The following TRAPPC9 variants were observed in gnomAD, a reference collection of about 807,000 sequenced individuals.
The protein encoded by TRAPPC9 is IKK2 binding protein.
In TRAPPC9, 83 loss-of-function variants were observed where a neutral mutation model predicts 124.0. That is an observed-to-expected ratio of 0.67 (90% CI 0.56 to 0.80). The LOEUF (loss-of-function observed/expected upper bound fraction) is 0.80, where lower values mean the gene tolerates loss of function less well. Among genes scored for constraint, TRAPPC9 ranks in the 30% least tolerant of loss-of-function variants. TRAPPC9 has a pLI of 0.00. For synonymous variants in TRAPPC9, 638 were observed against 617.5 expected (o/e 1.03, Z -0.49); for missense variants, 1,302 against 1,508.3 (o/e 0.86, Z 2.27).
At chr8:140,262,736 G>A (rs1310672088) in intron 15 of TRAPPC9, 1 of 152,220 alleles carries the variant, frequency 6.6e-6, no homozygotes, top group Non-Finnish European at 1.5e-5. Flanking sequence ...TTATTCATGT[G>A]CCTGCACGGT....
At chr8:139,749,526 G>T (rs1006073998) in intron 21 of TRAPPC9, among the ~76,000 whole-genome samples, 5 of 152,134 alleles carry the variant, frequency 3.3e-5, no homozygotes, top group Non-Finnish European at 7.4e-5. Flanking sequence ...ATGAAAAGGT[G>T]CCATGCTTGT....
chr8:139,756,923 C>T (rs1819859692), intron 21 of TRAPPC9, among the ~76,000 whole-genome samples: 1 of 134,260 alleles, frequency 7.4e-6, no homozygotes, highest in African/African-American at 2.9e-5. Flanking sequence ...CAGCAGGTCG[C>T]AGGAGGAGCC....
chr8:140,320,287 C>A (rs1302791342), intron 9 of TRAPPC9, among the ~76,000 whole-genome samples: 1 of 152,178 alleles, frequency 6.6e-6, no homozygotes, highest in Non-Finnish European at 1.5e-5. Flanking sequence ...CTGGTGTCTA[C>A]ATAAGTGGAA....
intron 6 of TRAPPC9, among the ~76,000 whole-genome samples, chr8:140,398,365 C>T (rs2069155824): frequency 6.6e-6 from 1 of 152,144 alleles, no homozygotes; most frequent in Admixed American, 6.5e-5. Flanking sequence ...CAGAAGAAGA[C>T]AGGAAAATGT....
chr8:140,344,501 C>T (rs1363319715), intron 9 of TRAPPC9, among the ~76,000 whole-genome samples: 1 of 152,184 alleles, frequency 6.6e-6, no homozygotes, highest in African/African-American at 2.4e-5. Flanking sequence ...GGTGGCACGC[C>T]TGCCCTCAAG....
At chr8:140,405,367 C>T (rs976266312) in intron 6 of TRAPPC9, 3 of 503,802 alleles carry the variant, frequency 6.0e-6, no homozygotes, top group Non-Finnish European at 6.9e-6. Context: ...TTTTTTCTCT[C>T]TTTTCCAAAT....
chr8:140,264,230 C>G (rs954081787), intron 15 of TRAPPC9, among the ~76,000 whole-genome samples: 1 of 152,164 alleles, frequency 6.6e-6, no homozygotes, highest in East Asian at 1.9e-4. Flanking sequence ...GAGAATTGCA[C>G]GAGTAACAGG....
At chr8:140,168,372 C>T (rs201349124) in intron 17 of TRAPPC9, among the ~76,000 whole-genome samples, 2 of 60,248 alleles carry the variant, frequency 3.3e-5, no homozygotes, top group Non-Finnish European at 4.2e-5. Context: ...ATTTTTTTAA[C>T]CCAAAAAGGA....
intron 5 of TRAPPC9, among the ~76,000 whole-genome samples, chr8:140,409,624 A>G (rs1031090965): frequency 1.6e-4 from 25 of 152,228 alleles, no homozygotes; most frequent in African/African-American, 5.8e-4. Context: ...GCAGCTGTGA[A>G]AGTGGATGAG....
At chr8:140,319,824 G>A (rs2066546625) in intron 9 of TRAPPC9, among the ~76,000 whole-genome samples, 1 of 152,208 alleles carries the variant, frequency 6.6e-6, no homozygotes, top group African/African-American at 2.4e-5. Flanking sequence ...TGTTCTTACA[G>A]AAGGAGAAAA....
chr8:140,228,661 A>T (rs2131360604), intron 16 of TRAPPC9, among the ~76,000 whole-genome samples: 1 of 152,328 alleles, frequency 6.6e-6, no homozygotes, highest in South Asian at 2.1e-4. Flanking sequence ...CTCCATGTAC[A>T]GGAGGCTGTA....
At chr8:140,034,611 G>A (rs562693226) in intron 17 of TRAPPC9, among the ~76,000 whole-genome samples, 5 of 152,278 alleles carry the variant, frequency 3.3e-5, no homozygotes, top group South Asian at 2.1e-4. Flanking sequence ...CATGCATTCC[G>A]TTTAACTGAA....
chr8:139,811,925 G>C (rs1317950046), intron 21 of TRAPPC9, among the ~76,000 whole-genome samples: 1 of 152,236 alleles, frequency 6.6e-6, no homozygotes, highest in African/African-American at 2.4e-5. Context: ...TAAAGAGAAA[G>C]GCAGGAGAAG....
chr8:140,457,524 G>A (rs927330410), intron 1 of TRAPPC9, 115 bp downstream of exon 1: 1 of 864,110 alleles, frequency 1.2e-6, no homozygotes, highest in Non-Finnish European at 1.4e-6. Flanking sequence ...CGCCCGGACA[G>A]GTGAGGGCCG....
At chr8:140,348,440 C>T (rs1348029302) in intron 9 of TRAPPC9, among the ~76,000 whole-genome samples, 1 of 152,154 alleles carries the variant, frequency 6.6e-6, no homozygotes, top group Non-Finnish European at 1.5e-5. Flanking sequence ...AGCCCTGCTG[C>T]TGGCTGCATC....
At chr8:140,083,171 T>C (rs770350035) in intron 17 of TRAPPC9, among the ~76,000 whole-genome samples, 1 of 149,044 alleles carries the variant, frequency 6.7e-6, no homozygotes, top group Non-Finnish European at 1.5e-5. Flanking sequence ...CCAGCCTGGG[T>C]GACAGAATGA....
intron 8 of TRAPPC9, among the ~76,000 whole-genome samples, chr8:140,367,642 A>G (rs1386518213): frequency 6.6e-6 from 1 of 152,230 alleles, no homozygotes; most frequent in Non-Finnish European, 1.5e-5. Flanking sequence ...GTATGATATC[A>G]TAATGGTGGA....
intron 21 of TRAPPC9, among the ~76,000 whole-genome samples, chr8:139,885,520 C>A (rs1243463584): frequency 6.6e-6 from 1 of 152,214 alleles, no homozygotes; most frequent in African/African-American, 2.4e-5. Flanking sequence ...GCAGAGCACA[C>A]ACCCCGCCAG....
At chr8:140,371,839 G>A (rs1160067344) in intron 7 of TRAPPC9, among the ~76,000 whole-genome samples, 1 of 152,158 alleles carries the variant, frequency 6.6e-6, no homozygotes, top group Non-Finnish European at 1.5e-5. Flanking sequence ...GTGTAGCTGA[G>A]ATTACAAGCA....
Sources: gnomAD v4.1 joint callset for allele counts (sites outside exome capture counted in the v4.1 genomes callset) on GRCh38, gnomAD v4.1.1 for gene constraint, MANE v1.5 for transcripts, NCBI Gene and HGNC (gene_info 2026-07-23, HGNC 2026-07-21) for gene names.